Variants in DENND3 observed in about 807,000 individuals in gnomAD.
The protein encoded by DENND3 is DENN domain-containing protein 3.
DENND3 carries 88 observed loss-of-function variants against 135.1 expected under a neutral mutation model. The ratio of observed to expected loss-of-function variants is 0.65; its 90% CI spans 0.55 to 0.78. DENND3 has a LOEUF of 0.78. Ranked by LOEUF, DENND3 falls within the 30% of genes least tolerant of loss-of-function variation. The probability of loss-of-function intolerance (pLI) is 0.00; values close to 1 mark genes in which losing one functional copy is unlikely to be tolerated. For missense variants in DENND3, 1,392 were observed against 1,688.4 expected (o/e 0.82, Z 3.08); for synonymous variants, 693 against 712.3 (o/e 0.97, Z 0.43).
At chr8:141,134,179 TGGG>T (rs1462666383) in intron 1 of DENND3, among the ~76,000 whole-genome samples, 1 of 152,142 alleles carries the variant, frequency 6.6e-6, no homozygotes, top group African/African-American at 2.4e-5. Context: ...TCCATTCTGA[TGGG>T]AAAGTTTTAG....
rs753540637 is a variant in DENND3 at position 141,128,703 on chromosome 8, C to T, written c.-5C>T. The T allele has an allele frequency of 3.1e-4, 426 of 1,387,698 alleles. 1 individual carries two copies. In the African/African-American group the frequency reaches 5.5e-3, roughly 18 times the overall value. 86.0% of individuals were successfully genotyped at this position (1,387,698 alleles called of 1,614,324 possible). A position where few individuals can be genotyped will look rare whatever the true frequency, so the allele number is the denominator to read the frequency against. ...TGCGGTACTGGCGGCGGGCGGCGGG[C>T]AGCCATGGCGGAGGCCGCGTCGCCG... On this transcript the variant is annotated 5_prime_UTR_variant, in exon 1 of 23. Transcript: ENST00000519811. This position sits in a 1 kb window ranked among gnomAD's most constrained non-coding sequence, Gnocchi z 4.5.
At chr8:141,153,701 G>A (rs1020787753) in intron 7 of DENND3, among the ~76,000 whole-genome samples, 8 of 152,260 alleles carry the variant, frequency 5.3e-5, no homozygotes, top group African/African-American at 1.4e-4. Flanking sequence ...TGGAAGGAAC[G>A]GAAAAGCGTC....
chr8:141,136,322 T>A (rs933080281), intron 1 of DENND3, among the ~76,000 whole-genome samples, 187 bp from the exon 2 acceptor site: 2 of 152,104 alleles, frequency 1.3e-5, no homozygotes, highest in African/African-American at 4.8e-5. Flanking sequence ...GTGGCTTCCC[T>A]GAACATAGGG....
At chr8:141,173,975 T>G (rs1459364793) in intron 13 of DENND3, among the ~76,000 whole-genome samples, 3 of 152,058 alleles carry the variant, frequency 2.0e-5, no homozygotes, top group Admixed American at 6.5e-5. Context: ...AGCAGTGCCA[T>G]AAGGGAAGCA....
Position 141,136,800 on chromosome 8 carries a change from A to G in DENND3, c.385+9A>G. ...GCAGCTGTGCTTCCCAGGTATGTCT[A>G]GGAGGTGGGCACCACTGGGCGCCTC... On this transcript the variant is annotated intron_variant, in intron 2 of 22. Coordinates refer to ENST00000519811, the MANE Select transcript of DENND3 (RefSeq NM_001352890.3). 6.4e-7 allele frequency: 1 copy of G among 1,554,820 alleles called. No individual in the cohort carries two copies. Among genetic ancestry groups the G allele is most frequent in the Middle Eastern group, 1.9e-4 (1 of 5,178 alleles).
intron 5 of DENND3, among the ~76,000 whole-genome samples, chr8:141,145,853 A>ATTTTTTTTTTTTTTTTTTTTTTT (rs1398317725): frequency 1.2e-5 from 1 of 85,836 alleles, no homozygotes; most frequent in African/African-American, 4.1e-5. Flanking sequence ...ATATATATGT[A>ATTTTTTTTTTTTTTTTTTTTTTT]TTTTTTTTTT....
chr8:141,179,017 G>A (rs568649091), intron 16 of DENND3, among the ~76,000 whole-genome samples: 4 of 152,360 alleles, frequency 2.6e-5, no homozygotes, highest in East Asian at 3.9e-4. Context: ...TCCCTTGGGC[G>A]TAGATCTAGG....
chr8:141,159,718 G>C lies in DENND3; in HGVS notation c.1197-914G>C, dbSNP rs189191202. Reference sequence around the variant, plus strand: ...GATATGCGTTGGTTCTGTTTATTTTGTATATTTCTAACGTCCCTCTAGACA... The same window carrying C: ...GATATGCGTTGGTTCTGTTTATTTTCTATATTTCTAACGTCCCTCTAGACA... On this transcript the variant is annotated intron_variant, in intron 8 of 22. Transcript: ENST00000519811. Among the ~76,000 whole-genome samples, 234 of 152,332 alleles carry C rather than the reference G, an allele frequency of 1.5e-3. 1 individual carries two copies. Among genetic ancestry groups the C allele is most frequent in the African/African-American group, 5.5e-3 (227 of 41,582 alleles).
rs754541615 is a variant in DENND3, at chr8:141,151,788, C to T, written c.1025C>T (p.Thr342Met). The change falls in exon 7 of 23, where the codon ACG becomes ATG. Residue 342 changes from threonine to methionine, a missense_variant. Coordinates refer to ENST00000519811, the MANE Select transcript of DENND3 (RefSeq NM_001352890.3). ...ATGCTGGATTTCGTCATGGCCCCCACGTCCTTCCTGATGGGCTGCCATCTC... is the reference window on the plus strand; with the variant it reads ...ATGCTGGATTTCGTCATGGCCCCCATGTCCTTCCTGATGGGCTGCCATCTC... The part of the protein sequence containing the change: ...DQMLDFVMAP[T>M]SFLMGCHLDH... 3 of 1,614,156 alleles carry T rather than the reference C, an allele frequency of 1.9e-6. No homozygotes were observed. The highest frequency in any genetic ancestry group is 1.3e-5 in the African/African-American group (1 of 74,952).
At chr8:141,178,637 A>T (rs1197541632) in intron 16 of DENND3, among the ~76,000 whole-genome samples, 1 of 152,226 alleles carries the variant, frequency 6.6e-6, no homozygotes, top group African/African-American at 2.4e-5. Context: ...ACGTCTACAC[A>T]GCTGGCCTGT....
chr8:141,141,191 C>G lies in DENND3; in HGVS notation c.502-12C>G. 2 of 1,614,166 alleles carry G rather than the reference C, an allele frequency of 1.2e-6. No homozygotes were observed. Among genetic ancestry groups the G allele is most frequent in the Non-Finnish European group, 1.7e-6 (2 of 1,180,002 alleles). On this transcript the variant is annotated splice_polypyrimidine_tract_variant and intron_variant, in intron 3 of 22. Coordinates refer to ENST00000519811, the MANE Select transcript of DENND3 (RefSeq NM_001352890.3). The surrounding 1 kb of genome is among the most constrained non-coding windows in gnomAD (Gnocchi z 5.3). ...TGGGGAGGTGACCATGTCGCTGTTGCTTTTCATGTAGGATGAGTACTGTTT... is the reference window on the plus strand; with the variant it reads ...TGGGGAGGTGACCATGTCGCTGTTGGTTTTCATGTAGGATGAGTACTGTTT...
intron 18 of DENND3, chr8:141,185,534 C>CCAT (rs1431615738): frequency 4.9e-6 from 2 of 409,958 alleles, no homozygotes; most frequent in African/African-American, 2.0e-5. Flanking sequence ...TTTCAGGCCC[C>CCAT]CATCTAAAAA....
intron 10 of DENND3, among the ~76,000 whole-genome samples, chr8:141,163,681 GCAGATCACCTGAGGT>G (rs765458264): frequency 5.3e-5 from 8 of 152,030 alleles, no homozygotes; most frequent in Non-Finnish European, 8.8e-5. Flanking sequence ...GCCGAGGCGG[GCAGATCACCTGAGGT>G]CAGGAGTTCG....
At chr8:141,133,330 C>G (rs767126468) in intron 1 of DENND3, among the ~76,000 whole-genome samples, 1 of 152,174 alleles carries the variant, frequency 6.6e-6, no homozygotes, top group South Asian at 2.1e-4. Context: ...CTCATGCCCA[C>G]GTATGACACG....
In DENND3 at chr8:141,178,142, G is replaced by T. The variant is rs942744919; in HGVS notation, c.2782G>T (p.Gly928Cys). The T allele has an allele frequency of 1.2e-6, 2 of 1,613,528 alleles. No homozygotes were observed. Among genetic ancestry groups the T allele is most frequent in the African/African-American group, 2.7e-5 (2 of 75,074 alleles). ...CGTCGTGGGCACACTGCAGTCACCA[G>T]GCGCCATCTACGCTGCCTCCAAGTT... Reference protein sequence around the residue: ...DAVVGTLQSPGAIYAASKLSY... With the variant: ...DAVVGTLQSPCAIYAASKLSY... Residue 928 changes from glycine (G) to cysteine (C), a missense_variant, in exon 16 of 23, where the codon GGC (glycine) becomes TGC (cysteine). By Grantham distance (159) the Gly-to-Cys change is radical. Coordinates refer to ENST00000519811, the MANE Select transcript of DENND3 (RefSeq NM_001352890.3).
chr8:141,176,554 G>C (rs1189586354), intron 14 of DENND3, 37 bp from the exon 15 acceptor site: 1 of 1,613,388 alleles, frequency 6.2e-7, no homozygotes, highest in Non-Finnish European at 8.5e-7. Context: ...TGTTCTCTGA[G>C]TGTGACATTC....
At chr8:141,185,945 CT>C in intron 18 of DENND3, among the ~76,000 whole-genome samples, 1 of 151,234 alleles carries the variant, frequency 6.6e-6, no homozygotes, top group East Asian at 2.0e-4. Flanking sequence ...CAATTTCCTT[CT>C]TTTTTTTCTT....
In DENND3 at chr8:141,154,069, G is replaced by A. The variant is rs370220617; in HGVS notation, c.1075-1780G>A. 4.6e-5 allele frequency among the ~76,000 whole-genome samples: 7 copies of A among 152,238 alleles called. No individual in the cohort carries two copies. Among genetic ancestry groups the A allele is most frequent in the East Asian group, 3.8e-4 (2 of 5,204 alleles). On this transcript the variant is annotated intron_variant, in intron 7 of 22. Transcript: ENST00000519811. The surrounding 1 kb of genome is among the most constrained non-coding windows in gnomAD (Gnocchi z 4.4). Reference sequence around the variant, plus strand: ...TGGGCGTTAACACATCCACGGGACCGGCTGTGTGCCTCGCTGCTTTAGCGT... The same window carrying A: ...TGGGCGTTAACACATCCACGGGACCAGCTGTGTGCCTCGCTGCTTTAGCGT...
rs1279314107 is a variant in DENND3 at position 141,130,697 on chromosome 8, T to A, written c.102+1888T>A. 1.3e-5 allele frequency among the ~76,000 whole-genome samples: 2 copies of A among 152,100 alleles called. No individual in the cohort carries two copies. Among genetic ancestry groups the A allele is most frequent in the Non-Finnish European group, 2.9e-5 (2 of 68,006 alleles). On this transcript the variant is annotated intron_variant, in intron 1 of 22. Coordinates refer to ENST00000519811, the MANE Select transcript of DENND3 (RefSeq NM_001352890.3). The surrounding 1 kb of genome is among the most constrained non-coding windows in gnomAD (Gnocchi z 4.2). ...GTCCAAGGCTTTTAAATATATTTTT[T>A]TTTTTTTGAGACAGAGTTTTGCTCT...
Sources: gnomAD v4.1 joint callset for allele counts (sites outside exome capture counted in the v4.1 genomes callset) on GRCh38, gnomAD v4.1.1 for gene constraint, Gnocchi (gnomAD v3.1) non-coding constraint, MANE v1.5 for transcripts, NCBI Gene and HGNC (gene_info 2026-07-23, HGNC 2026-07-21) for gene names.